TRABD2B: variants seen among roughly 807,000 people sequenced by gnomAD.
The protein encoded by TRABD2B is TraB domain containing 2B.
TRABD2B carries 14 observed loss-of-function variants against 40.1 expected under a neutral mutation model. That is an observed-to-expected ratio of 0.35 (90% CI 0.23 to 0.55). The LOEUF (loss-of-function observed/expected upper bound fraction) is 0.55. TRABD2B is among the 20% of genes least tolerant of loss of function. The pLI is 0.90. For missense variants in TRABD2B, 541 were observed against 648.6 expected, an observed-to-expected ratio of 0.83 and a Z score of 1.80; for synonymous variants, 263 against 277.0, an observed-to-expected ratio of 0.95 and a Z score of 0.50.
At chr1:47,950,717 T>C (rs934792898) in intron 2 of TRABD2B, among the ~76,000 whole-genome samples, 1 of 152,250 alleles carries the variant, frequency 6.6e-6, no homozygotes, top group East Asian at 1.9e-4. Flanking sequence ...ACTCTCAGCC[T>C]CTGCTGATTC....
chr1:47,960,332 C>G (rs303921), intron 2 of TRABD2B, among the ~76,000 whole-genome samples: 145,447 of 152,174 alleles, frequency 0.96, 69,880 homozygotes, highest in Non-Finnish European at 1. Context: ...TCTCACCACT[C>G]CTATTCAACA....
intron 2 of TRABD2B, among the ~76,000 whole-genome samples, chr1:47,911,322 G>A (rs906754340): frequency 6.6e-6 from 1 of 152,176 alleles, no homozygotes; most frequent in Non-Finnish European, 1.5e-5. Context: ...GCACAGGCCT[G>A]GGGAGACACC....
chr1:47,953,646 T>G (rs898528871), intron 2 of TRABD2B, among the ~76,000 whole-genome samples: 1 of 152,226 alleles, frequency 6.6e-6, no homozygotes, highest in African/African-American at 2.4e-5. Context: ...TGAGTCCCCC[T>G]ACTTTCTTAA....
At chr1:47,949,457 G>C (rs1645309691) in intron 2 of TRABD2B, among the ~76,000 whole-genome samples, 1 of 142,058 alleles carries the variant, frequency 7.0e-6, no homozygotes, top group African/African-American at 2.6e-5. Context: ...ACCCAGACTG[G>C]AGTGCAGTGG....
At chr1:47,868,982 C>T (rs1033319933) in intron 2 of TRABD2B, among the ~76,000 whole-genome samples, 9 of 152,282 alleles carry the variant, frequency 5.9e-5, no homozygotes, top group African/African-American at 1.4e-4. Flanking sequence ...ATGAGCATCA[C>T]GCAGCAGTTA....
chr1:47,873,427 C>G (rs994830997), intron 2 of TRABD2B, among the ~76,000 whole-genome samples: 2 of 152,134 alleles, frequency 1.3e-5, no homozygotes, highest in Non-Finnish European at 2.9e-5. Flanking sequence ...GTGGATATAT[C>G]CATTTCTGGC....
At chr1:47,955,918 C>T (rs186757761) in intron 2 of TRABD2B, among the ~76,000 whole-genome samples, 27 of 152,300 alleles carry the variant, frequency 1.8e-4, no homozygotes, top group Admixed American at 3.9e-4. Flanking sequence ...GCAGCCTGTA[C>T]CTCCTAGGCT....
chr1:47,922,361 A>C (rs1034482730), intron 2 of TRABD2B, among the ~76,000 whole-genome samples: 3 of 152,212 alleles, frequency 2.0e-5, no homozygotes, highest in African/African-American at 7.2e-5. Context: ...GTCAGAGGCC[A>C]GGTAGGAATC....
At chr1:47,903,151 G>A (rs980030265) in intron 2 of TRABD2B, among the ~76,000 whole-genome samples, 3 of 152,166 alleles carry the variant, frequency 2.0e-5, no homozygotes, top group Non-Finnish European at 4.4e-5. Flanking sequence ...TGTGCACAGT[G>A]TTGCTTATTT....
intron 2 of TRABD2B, among the ~76,000 whole-genome samples, chr1:47,869,206 T>C (rs960402384): frequency 1.3e-5 from 2 of 152,198 alleles, no homozygotes; most frequent in African/African-American, 4.8e-5. Flanking sequence ...CATACATGTA[T>C]ACATATATAC....
chr1:47,947,634 T>C (rs919727705), intron 2 of TRABD2B, among the ~76,000 whole-genome samples: 1 of 152,092 alleles, frequency 6.6e-6, no homozygotes, highest in Admixed American at 6.5e-5. Context: ...TTAAAAATCT[T>C]GGTAAACAGC....
At chr1:47,978,795 G>C (rs574249525) in intron 2 of TRABD2B, among the ~76,000 whole-genome samples, 1 of 152,298 alleles carries the variant, frequency 6.6e-6, no homozygotes, top group South Asian at 2.1e-4. Flanking sequence ...CCCCACACAT[G>C]GTTTGAATTT....
chr1:47,990,771 T>TTA (rs55649435), intron 2 of TRABD2B, among the ~76,000 whole-genome samples: 26 of 36,552 alleles, frequency 7.1e-4, no homozygotes, highest in Non-Finnish European at 9.8e-4. Context: ...AACGTTGGTT[T>TTA]TATATATATA....
intron 3 of TRABD2B, among the ~76,000 whole-genome samples, chr1:47,797,384 A>T (rs528317874): frequency 3.9e-5 from 6 of 152,136 alleles, no homozygotes; most frequent in Non-Finnish European, 8.8e-5. Flanking sequence ...AAGGATGAAG[A>T]TGACAAATAA....
chr1:47,816,682 T>A (rs796828534), intron 2 of TRABD2B, among the ~76,000 whole-genome samples: 4 of 152,276 alleles, frequency 2.6e-5, no homozygotes, highest in African/African-American at 9.6e-5. Flanking sequence ...TTTGAAGCTC[T>A]CCTACACCCT....
rs780934984 is a variant in TRABD2B, at chr1:47,994,465, T to A, written c.235A>T (p.Ser79Cys). 3 of 1,536,160 alleles carry A rather than the reference T, an allele frequency of 2.0e-6. No individual in the cohort carries two copies. Among genetic ancestry groups the A allele is most frequent in the Non-Finnish European group, 2.6e-6 (3 of 1,146,908 alleles). The change falls in exon 2 of 7, where the codon AGC (serine) becomes TGC (cysteine). Residue 79 changes from serine (S) to cysteine (C), a missense_variant. Around this residue, in one of 2 missense-constraint regions of TRABD2B, gnomAD observed 369 missense variants for 492.8 expected, o/e 0.75. Transcript: ENST00000606738. This position sits in a 1 kb window ranked among gnomAD's most constrained non-coding sequence, Gnocchi z 6.7. ...TCCAGCTCAAAGTAGACACGGGTGC[T>A]AGCCTGGAAGGCTGCCTTGGAGTTG... ...PDNSKAAFQA[S>C]TRVYFELDLT...
chr1:47,787,496 A>C (rs985410507), intron 4 of TRABD2B, among the ~76,000 whole-genome samples: 4 of 151,920 alleles, frequency 2.6e-5, no homozygotes, highest in Middle Eastern at 3.4e-3. Context: ...CTACCTAATC[A>C]TCTTGCCGCC....
chr1:47,959,116 G>A (rs2148400803), intron 2 of TRABD2B, among the ~76,000 whole-genome samples: 1 of 152,076 alleles, frequency 6.6e-6, no homozygotes, highest in South Asian at 2.1e-4. Context: ...ATGACTACTG[G>A]GTACATAACG....
chr1:47,918,808 T>C (rs1043517517), intron 2 of TRABD2B, among the ~76,000 whole-genome samples: 1 of 152,168 alleles, frequency 6.6e-6, no homozygotes, highest in African/African-American at 2.4e-5. Context: ...GAGGTAAACA[T>C]ATCCAAGAAC....
Sources: gnomAD v4.1 joint callset for allele counts (sites outside exome capture counted in the v4.1 genomes callset) on GRCh38, gnomAD v4.1.1 for gene constraint, gnomAD v4.1.1 regional missense constraint, Gnocchi (gnomAD v3.1) non-coding constraint, MANE v1.5 for transcripts, NCBI Gene and HGNC (gene_info 2026-07-23, HGNC 2026-07-21) for gene names.